The following ALCAM variants were observed in gnomAD, a reference collection of about 807,000 sequenced individuals.
ALCAM encodes the protein activated leukocyte cell adhesion molecule.
A neutral mutation model predicts 70.9 loss-of-function variants in ALCAM; 30 were observed. That is an observed-to-expected ratio of 0.42 (90% CI 0.32 to 0.57). ALCAM has a LOEUF of 0.57. Among genes scored for constraint, ALCAM ranks in the 20% least tolerant of loss-of-function variants. ALCAM has a pLI of 0.11. For missense variants in ALCAM, 591 were observed against 695.1 expected, an observed-to-expected ratio of 0.85 and a Z score of 1.68; for synonymous variants, 249 against 242.5, an observed-to-expected ratio of 1.03 and a Z score of -0.25.
intron 1 of ALCAM, among the ~76,000 whole-genome samples, chr3:105,460,696 TC>T (rs998657885): frequency 1.3e-5 from 2 of 151,860 alleles, no homozygotes; most frequent in Admixed American, 1.3e-4. Context: ...TCATAACTCT[TC>T]TCTCTGCCAG....
intron 1 of ALCAM, among the ~76,000 whole-genome samples, chr3:105,368,223 A>AGAGAGAGAGAGAGAG (rs376082543): frequency 1.5e-5 from 1 of 67,790 alleles, no homozygotes; most frequent in Non-Finnish European, 2.8e-5. Flanking sequence ...TGAGTCTTGG[A>AGAGAGAGAGAGAGAG]AGAGAGAGAG....
chr3:105,567,940 GCTAATTA>G (rs1223785173), intron 14 of ALCAM, among the ~76,000 whole-genome samples: 1 of 151,858 alleles, frequency 6.6e-6, no homozygotes, highest in Admixed American at 6.5e-5. Flanking sequence ...TAGATTACTG[GCTAATTA>G]CTCTACTGTC....
Position 105,541,737 on chromosome 3 carries a change from G to A in ALCAM, c.963G>A (p.Met321Ile), listed in dbSNP as rs763075803. The A allele has an allele frequency of 6.1e-5, 98 of 1,612,126 alleles. No individual in the cohort carries two copies. Among genetic ancestry groups the A allele is most frequent in the Non-Finnish European group, 8.1e-5 (96 of 1,178,808 alleles). Residue 321 changes from methionine to isoleucine, a missense_variant, in exon 8 of 16, where the codon ATG becomes ATA. This residue lies in a region of ALCAM where 427 missense variants were observed against 450.4 expected (regional missense o/e 0.95). Coordinates refer to ENST00000306107, the MANE Select transcript of ALCAM (RefSeq NM_001627.4). The stretch of plus-strand genomic sequence containing the variant: ...GTTCCCTGATAGACAAAAAAAGCAT[G>A]ATTGCTTCAACAGCTATCACAGTTC... ...YKCSLIDKKS[M>I]IASTAITVHY... is the part of the protein sequence containing the mutation.
chr3:105,392,138 GA>G (rs1935838410), intron 1 of ALCAM, among the ~76,000 whole-genome samples: 1 of 152,046 alleles, frequency 6.6e-6, no homozygotes, highest in African/African-American at 2.4e-5. Context: ...AGTTTCAGAA[GA>G]AATGGTATCA....
chr3:105,524,430 A>T lies in ALCAM; in HGVS notation c.316A>T (p.Ser106Cys). The change falls in exon 3 of 16, where the codon AGT becomes TGT. Residue 106 changes from serine to cysteine, a missense_variant. By Grantham distance (112) the Ser-to-Cys change is moderately radical. Transcript: ENST00000306107. ...YTLSISNARI[S>C]DEKRFVCMLV... ...TTTGTCTATCAGTAATGCAAGGATCAGTGATGAAAAGAGATTTGTGTGCAT... is the reference window on the plus strand; with the variant it reads ...TTTGTCTATCAGTAATGCAAGGATCTGTGATGAAAAGAGATTTGTGTGCAT... 6.2e-7 allele frequency: 1 copy of T among 1,614,174 alleles called. No homozygotes were observed. The highest frequency in any genetic ancestry group is 8.5e-7 in the Non-Finnish European group (1 of 1,180,014).
At chr3:105,386,281 T>C (rs1054372832) in intron 1 of ALCAM, among the ~76,000 whole-genome samples, 2 of 151,622 alleles carry the variant, frequency 1.3e-5, no homozygotes, top group African/African-American at 4.8e-5. Context: ...AGTGAATCAG[T>C]AAAATGTCTT....
At chr3:105,395,842 T>C (rs1935937939) in intron 1 of ALCAM, among the ~76,000 whole-genome samples, 2 of 152,054 alleles carry the variant, frequency 1.3e-5, no homozygotes, top group African/African-American at 4.8e-5. Flanking sequence ...CTTCTCTCTT[T>C]CTGAAGACTA....
intron 1 of ALCAM, among the ~76,000 whole-genome samples, chr3:105,468,746 G>A (rs1937825394): frequency 2.0e-5 from 3 of 151,294 alleles, no homozygotes; most frequent in African/African-American, 7.3e-5. Flanking sequence ...TGGTGTGTTT[G>A]TATTTAAAAT....
At chr3:105,554,030 A>C (rs568286840) in intron 14 of ALCAM, among the ~76,000 whole-genome samples, 2 of 151,988 alleles carry the variant, frequency 1.3e-5, no homozygotes, top group Non-Finnish European at 2.9e-5. Context: ...CTTAGTCTTA[A>C]GCAGCCCACA....
chr3:105,543,758 T>A (rs1211809294), intron 8 of ALCAM, among the ~76,000 whole-genome samples: 8 of 151,704 alleles, frequency 5.3e-5, no homozygotes, highest in Non-Finnish European at 8.9e-5. Flanking sequence ...AAATTAGCTA[T>A]CCAGCTAACA....
rs528324286 is a variant in ALCAM, at chr3:105,373,778, C to T, written c.73+6297C>T. On this transcript the variant is annotated intron_variant, in intron 1 of 15. Transcript: ENST00000306107. Reference sequence around the variant, plus strand: ...AGAGCTTGACACCTAGAAGCTGCTTCACATTTTTTCTTTGCATTAAATACA... The same window carrying T: ...AGAGCTTGACACCTAGAAGCTGCTTTACATTTTTTCTTTGCATTAAATACA... 6.6e-5 allele frequency among the ~76,000 whole-genome samples: 10 copies of T among 152,298 alleles called. No homozygotes were observed. The South Asian group carries it at 2.1e-3, about 32-fold the overall frequency.
intron 1 of ALCAM, among the ~76,000 whole-genome samples, chr3:105,416,453 G>T (rs1312041411): frequency 1.3e-5 from 2 of 151,890 alleles, no homozygotes; most frequent in East Asian, 3.9e-4. Context: ...GCATTGTTGT[G>T]AGAAAATTAT....
intron 14 of ALCAM, among the ~76,000 whole-genome samples, chr3:105,553,978 T>A (rs553268384): frequency 6.6e-6 from 1 of 152,010 alleles, no homozygotes; most frequent in South Asian, 2.1e-4. Context: ...ATGTCCACTC[T>A]CACATGATGG....
intron 14 of ALCAM, among the ~76,000 whole-genome samples, chr3:105,558,631 T>C (rs1420899143): frequency 6.6e-6 from 1 of 152,162 alleles, no homozygotes; most frequent in Non-Finnish European, 1.5e-5. Flanking sequence ...AAAAAAGGTC[T>C]TAAATCTTCT....
intron 1 of ALCAM, among the ~76,000 whole-genome samples, chr3:105,454,189 G>T (rs1937499583): frequency 6.6e-6 from 1 of 152,008 alleles, no homozygotes; most frequent in South Asian, 2.1e-4. Context: ...CAAGTGTTTT[G>T]CTTTTGTTGT....
intron 1 of ALCAM, among the ~76,000 whole-genome samples, chr3:105,517,195 C>A (rs564642519): frequency 2.4e-4 from 36 of 152,192 alleles, no homozygotes; most frequent in Non-Finnish European, 4.4e-4. Context: ...AGCCTTCAGT[C>A]CTTCTGTCAG....
intron 1 of ALCAM, among the ~76,000 whole-genome samples, chr3:105,498,772 T>C (rs1356054624): frequency 6.6e-6 from 1 of 152,154 alleles, no homozygotes; most frequent in Non-Finnish European, 1.5e-5. Flanking sequence ...GAAATTCAAA[T>C]GAAAACTTTA....
intron 14 of ALCAM, among the ~76,000 whole-genome samples, chr3:105,566,383 G>A (rs10933824): frequency 0.51 from 77,073 of 151,882 alleles, 21,096 homozygotes; most frequent in East Asian, 0.72. Flanking sequence ...TTTATTAGGT[G>A]CATATACTTA....
At chr3:105,469,878 A>G (rs896379260) in intron 1 of ALCAM, among the ~76,000 whole-genome samples, 4 of 150,812 alleles carry the variant, frequency 2.7e-5, no homozygotes, top group African/African-American at 7.3e-5. Context: ...TGACAGTGCA[A>G]TCATCATCTC....
Sources: gnomAD v4.1 joint callset for allele counts (sites outside exome capture counted in the v4.1 genomes callset) on GRCh38, gnomAD v4.1.1 for gene constraint, gnomAD v4.1.1 regional missense constraint, MANE v1.5 for transcripts, NCBI Gene and HGNC (gene_info 2026-07-23, HGNC 2026-07-21) for gene names.